TMEM184B: variants seen among roughly 807,000 people sequenced by gnomAD.
TMEM184B encodes the protein transmembrane protein 184B, also known as putative MAPK-activating protein FM08.
TMEM184B carries 17 observed loss-of-function variants against 41.8 expected under a neutral mutation model. The ratio of observed to expected loss-of-function variants is 0.41; its 90% CI spans 0.28 to 0.61. TMEM184B has a LOEUF of 0.61. TMEM184B is among the 20% of genes least tolerant of loss of function. The pLI is 0.34. For missense variants in TMEM184B, 393 were observed against 557.8 expected, an observed-to-expected ratio of 0.70 and a Z score of 2.98; for synonymous variants, 240 against 229.5, an observed-to-expected ratio of 1.05 and a Z score of -0.41.
intron 1 of TMEM184B, among the ~76,000 whole-genome samples, chr22:38,256,977 G>GTTTTTTTTTTTTTTTTTTTTT (rs777863582): frequency 8.0e-6 from 1 of 124,292 alleles, no homozygotes; most frequent in Non-Finnish European, 1.7e-5. Context: ...GACATTAATA[G>GTTTTTTTTTTTTTTTTTTTTT]TTTTTTTTTT....
downstream of TMEM184B, among the ~76,000 whole-genome samples, chr22:38,218,830 A>G (rs992409439): frequency 6.6e-6 from 1 of 152,216 alleles, no homozygotes; most frequent in Non-Finnish European, 1.5e-5. Flanking sequence ...CCAGGCCCCA[A>G]GAAGGCATGC....
chr22:38,243,169 A>C (rs1334032422), intron 3 of TMEM184B, among the ~76,000 whole-genome samples: 5 of 151,814 alleles, frequency 3.3e-5, no homozygotes, highest in African/African-American at 1.2e-4. Context: ...CGTTGCTAGG[A>C]GATGTGCTTC....
intron 3 of TMEM184B, among the ~76,000 whole-genome samples, chr22:38,236,075 G>A (rs1186407942): frequency 6.6e-6 from 1 of 152,204 alleles, no homozygotes; most frequent in Non-Finnish European, 1.5e-5. Context: ...CCAGCGTGAG[G>A]GACCGGAGGG....
chr22:38,272,971 A>C lies in TMEM184B; in HGVS notation c.-146T>G, dbSNP rs1555904130. 1 of 269,348 alleles carries C rather than the reference A, an allele frequency of 3.7e-6. No homozygotes were observed. The highest frequency in any genetic ancestry group is 1.4e-4 in the South Asian group (1 of 6,996). 16.7% of individuals were successfully genotyped at this position (269,348 alleles called of 1,614,324 possible). A position where few individuals can be genotyped will look rare whatever the true frequency, so the allele number is the denominator to read the frequency against. On this transcript the variant is annotated 5_prime_UTR_variant, in exon 1 of 9. Coordinates refer to ENST00000361906, the MANE Select transcript of TMEM184B (RefSeq NM_012264.5). The stretch of plus-strand genomic sequence containing the variant: ...GGGGCGGGCGGCGCCGCAGCCCCGG[A>C]GTCTCCGCCGCCGCCGGCGCGTCCC...
At chr22:38,246,219 G>A (rs1366702259) in intron 2 of TMEM184B, 119 bp from the exon 3 acceptor site, 1 of 1,228,996 alleles carries the variant, frequency 8.1e-7, no homozygotes, top group Non-Finnish European at 1.1e-6. Flanking sequence ...ACCTACCCCT[G>A]AGCCTCAGAG....
intron 3 of TMEM184B, among the ~76,000 whole-genome samples, chr22:38,240,880 A>G (rs1325449571): frequency 1.3e-5 from 2 of 152,228 alleles, no homozygotes; most frequent in Non-Finnish European, 2.9e-5. Flanking sequence ...AGGATTTCCA[A>G]CTTAGGATTG....
intron 3 of TMEM184B, among the ~76,000 whole-genome samples, chr22:38,244,675 C>G (rs1482158898): frequency 6.6e-6 from 1 of 152,146 alleles, no homozygotes; most frequent in African/African-American, 2.4e-5. Flanking sequence ...AGGCTGGTCT[C>G]GAACTCCCGA....
Position 38,272,111 on chromosome 22 carries a change from G to A in TMEM184B, c.-59+773C>T, listed in dbSNP as rs555462898. Among the ~76,000 whole-genome samples the A allele has an allele frequency of 5.9e-5, 9 of 152,318 alleles. No individual in the cohort carries two copies. The South Asian group carries it at 1.9e-3, about 32-fold the overall frequency. ...GCCCCAAAATGCCCTGGAAAGGAGG[G>A]AGGAGTAAAACGTCTGGCCTTATAC... On this transcript the variant is annotated intron_variant, in intron 1 of 8. Coordinates refer to ENST00000361906, the MANE Select transcript of TMEM184B (RefSeq NM_012264.5).
chr22:38,272,139 C>T (rs2092532957), intron 1 of TMEM184B, among the ~76,000 whole-genome samples: 1 of 152,228 alleles, frequency 6.6e-6, no homozygotes, highest in Admixed American at 6.5e-5. Flanking sequence ...CCTTATACAA[C>T]ACCTCCAGAG....
At chr22:38,227,128 C>A (rs1402352133) in intron 5 of TMEM184B, among the ~76,000 whole-genome samples, 5 of 149,394 alleles carry the variant, frequency 3.3e-5, no homozygotes, top group Non-Finnish European at 7.4e-5. Context: ...GGGCGGGGGG[C>A]AGAACATATA....
rs534974548 is a variant in TMEM184B, at chr22:38,225,854, G to A, written c.618-261C>T. On this transcript the variant is annotated intron_variant, in intron 6 of 8. Coordinates refer to ENST00000361906, the MANE Select transcript of TMEM184B (RefSeq NM_012264.5). The surrounding 1 kb of genome is among the most constrained non-coding windows in gnomAD (Gnocchi z 4.4). ...AAGCCCTGGTGCCCACACTCCTAAC[G>A]TTGGACACCAGTGTGGAAGCCAGGG... is the stretch of plus-strand genomic sequence containing the variant. Among the ~76,000 whole-genome samples the A allele has an allele frequency of 9.2e-5, 14 of 152,168 alleles. No individual in the cohort carries two copies. The highest frequency in any genetic ancestry group is 1.9e-4 in the Non-Finnish European group (13 of 68,030).
Position 38,247,759 on chromosome 22 carries a change from G to A in TMEM184B, c.192+11C>T, listed in dbSNP as rs755406132. 4 of 1,608,006 alleles carry A rather than the reference G, an allele frequency of 2.5e-6. No individual in the cohort carries two copies. The highest frequency in any genetic ancestry group is 1.1e-5 in the South Asian group (1 of 90,636). On this transcript the variant is annotated intron_variant, in intron 2 of 8. Transcript: ENST00000361906. The stretch of plus-strand genomic sequence containing the variant: ...GGACCTTTCTAGAGGCCCCTTGCCA[G>A]GCTTGGGTACCTGGTGGCATGTGAT...
At chr22:38,238,620 C>T (rs982826772) in intron 3 of TMEM184B, among the ~76,000 whole-genome samples, 3 of 152,224 alleles carry the variant, frequency 2.0e-5, no homozygotes, top group African/African-American at 7.2e-5. Context: ...TCTTGTGTGG[C>T]CCTGCACCTG....
At chr22:38,240,985 G>A (rs2091893147) in intron 3 of TMEM184B, among the ~76,000 whole-genome samples, 1 of 152,206 alleles carries the variant, frequency 6.6e-6, no homozygotes, top group Non-Finnish European at 1.5e-5. Flanking sequence ...TTCTCAGGAA[G>A]CTGCTGGAAG....
chr22:38,230,329 C>T (rs981428365), intron 5 of TMEM184B, among the ~76,000 whole-genome samples: 1 of 152,358 alleles, frequency 6.6e-6, no homozygotes, highest in Middle Eastern at 3.4e-3. Flanking sequence ...CCTCCTGCCC[C>T]CTAGCTGCAG....
In TMEM184B at chr22:38,226,463, C is replaced by T. The variant is rs1486444924; in HGVS notation, c.617+316G>A. The T allele has an allele frequency of 1.3e-5, 4 of 313,858 alleles. No homozygotes were observed. 19.4% of individuals were successfully genotyped at this position (313,858 alleles called of 1,614,324 possible). ...GGGCTTTGTATCTGTGGACTTGAGC[C>T]GACCTCTTGGGGCTCTGACCCTCTC... On this transcript the variant is annotated intron_variant, in intron 6 of 8. Transcript: ENST00000361906. The surrounding 1 kb of genome is among the most constrained non-coding windows in gnomAD (Gnocchi z 4.6).
At chr22:38,244,033 G>A (rs577920823) in intron 3 of TMEM184B, among the ~76,000 whole-genome samples, 18 of 152,268 alleles carry the variant, frequency 1.2e-4, no homozygotes, top group Middle Eastern at 3.4e-3. Context: ...GACACAGCAC[G>A]TATCAAGCCC....
chr22:38,226,886 G>C lies in TMEM184B; in HGVS notation c.526-16C>G, dbSNP rs368521544. The C allele has an allele frequency of 5.7e-6, 9 of 1,572,450 alleles. No individual in the cohort carries two copies. The African/African-American group carries it at 1.2e-4, about 22-fold the overall frequency. On this transcript the variant is annotated splice_polypyrimidine_tract_variant and intron_variant, in intron 5 of 8. Transcript: ENST00000361906. This position sits in a 1 kb window ranked among gnomAD's most constrained non-coding sequence, Gnocchi z 4.6. ...GCAGGGTGGCCTGTTGGGGGGAAAA[G>C]GAGGTTGAGTGTGGAGGAGGAGCAC...
chr22:38,223,621 C>G (rs2091331089), intron 8 of TMEM184B: 1 of 152,312 alleles, frequency 6.6e-6, no homozygotes, highest in Non-Finnish European at 1.5e-5. Flanking sequence ...CAGGTAGGCC[C>G]TGGGGAAGTG....
Sources: allele counts gnomAD v4.1 joint callset (sites outside exome capture counted in the v4.1 genomes callset), GRCh38; gene constraint gnomAD v4.1.1; non-coding constraint Gnocchi (gnomAD v3.1); transcripts MANE v1.5; gene names NCBI Gene and HGNC (gene_info 2026-07-23, HGNC 2026-07-21).